Variants in HIVEP2 observed in about 807,000 individuals in gnomAD.
The protein encoded by HIVEP2 is transcription factor HIVEP2.
A neutral mutation model predicts 180.7 loss-of-function variants in HIVEP2; 14 were observed. The ratio of observed to expected loss-of-function variants is 0.08; its 90% CI spans 0.05 to 0.12. The LOEUF (loss-of-function observed/expected upper bound fraction) is 0.12, where lower values mean the gene tolerates loss of function less well. Ranked by LOEUF, HIVEP2 falls within the 10% of genes least tolerant of loss-of-function variation. The probability of loss-of-function intolerance (pLI) is 1.00; values close to 1 mark genes in which losing one functional copy is unlikely to be tolerated. For synonymous variants in HIVEP2, 1,184 were observed against 1,136.4 expected (o/e 1.04, Z -0.84); for missense variants, 2,579 against 3,008.5 (o/e 0.86, Z 3.34).
intron 1 of HIVEP2, among the ~76,000 whole-genome samples, chr6:142,914,344 T>C (rs1471410959): frequency 2.0e-5 from 3 of 152,230 alleles, no homozygotes; most frequent in Non-Finnish European, 4.4e-5. Flanking sequence ...TCAAATGCCA[T>C]CTTACAACCG....
chr6:142,842,179 CCA>C (rs1003826586), intron 1 of HIVEP2, among the ~76,000 whole-genome samples: 27 of 152,264 alleles, frequency 1.8e-4, no homozygotes, highest in Admixed American at 1.6e-3. Context: ...CTTCCACCCA[CCA>C]TTGTCTCTTA....
intron 1 of HIVEP2, among the ~76,000 whole-genome samples, chr6:142,894,624 C>T (rs1244128113): frequency 6.6e-6 from 1 of 152,180 alleles, no homozygotes; most frequent in African/African-American, 2.4e-5. Flanking sequence ...TTCAAGATCA[C>T]ATTTATTGAG....
chr6:142,921,574 G>A (rs1777684033), intron 1 of HIVEP2, among the ~76,000 whole-genome samples: 1 of 152,188 alleles, frequency 6.6e-6, no homozygotes, highest in African/African-American at 2.4e-5. Flanking sequence ...GCCTAGAAAA[G>A]TGTCTGATGT....
At chr6:142,863,123 T>C (rs1357484522) in intron 1 of HIVEP2, among the ~76,000 whole-genome samples, 1 of 146,696 alleles carries the variant, frequency 6.8e-6, no homozygotes, top group Non-Finnish European at 1.5e-5. Context: ...TAATATATAA[T>C]AGATTTGCTA....
chr6:142,801,900 C>T (rs1776422042), intron 2 of HIVEP2, among the ~76,000 whole-genome samples: 1 of 152,080 alleles, frequency 6.6e-6, no homozygotes, highest in South Asian at 2.1e-4. Context: ...TAAGTATATC[C>T]TTCTCCTTAA....
chr6:142,890,645 TC>T (rs1554220828), intron 1 of HIVEP2, among the ~76,000 whole-genome samples: 1 of 152,174 alleles, frequency 6.6e-6, no homozygotes, highest in Non-Finnish European at 1.5e-5. Context: ...TGACCTCCTA[TC>T]TGTCAAATAA....
At chr6:142,867,703 C>T (rs1449181875) in intron 1 of HIVEP2, among the ~76,000 whole-genome samples, 1 of 152,088 alleles carries the variant, frequency 6.6e-6, no homozygotes, top group African/African-American at 2.4e-5. Context: ...AGGATATGTG[C>T]TAAAAGAATT....
chr6:142,770,752 G>A lies in HIVEP2; in HGVS notation c.3987C>T (p.Leu1329=). ...TCCGAACAGGAACCACTGTTCCTGGGAGGGACTGCAAAGACCCAGCATTTG... is the reference window on the plus strand; with the variant it reads ...TCCGAACAGGAACCACTGTTCCTGGAAGGGACTGCAAAGACCCAGCATTTG... ...ASANAGSLQS[L]PGTVVPVRIQ... is the part of the protein sequence containing the mutation. The change falls in exon 5 of 10, where the codon CTC becomes CTT. Residue 1329 remains leucine (L), a synonymous_variant. Coordinates refer to ENST00000367603, the MANE Select transcript of HIVEP2 (RefSeq NM_006734.4). The surrounding 1 kb of genome is among the most constrained non-coding windows in gnomAD (Gnocchi z 4.7). 1 of 1,614,180 alleles carries A rather than the reference G, an allele frequency of 6.2e-7. No homozygotes were observed. The highest frequency in any genetic ancestry group is 8.5e-7 in the Non-Finnish European group (1 of 1,180,046).
In HIVEP2 at chr6:142,772,102, C is replaced by T. The variant is rs765158820; in HGVS notation, c.2637G>A (p.Arg879=). 1 of 1,614,174 alleles carries T rather than the reference C, an allele frequency of 6.2e-7. No homozygotes were observed. Among genetic ancestry groups the T allele is most frequent in the South Asian group, 1.1e-5 (1 of 91,080 alleles). Residue 879 remains arginine, a synonymous_variant, in exon 5 of 10, where the codon AGG becomes AGA. Transcript: ENST00000367603. This position sits in a 1 kb window ranked among gnomAD's most constrained non-coding sequence, Gnocchi z 4.9. ...VQQQSYHTQP[R]LVRQHNIQVP... ...CCTGGATGTTGTGTTGCCGAACTAG[C>T]CTGGGCTGTGTGTGATAGGACTGCT...
intron 1 of HIVEP2, among the ~76,000 whole-genome samples, chr6:142,896,965 A>G (rs1426504695): frequency 6.6e-6 from 1 of 152,192 alleles, no homozygotes; most frequent in East Asian, 1.9e-4. Context: ...ACAGAGTATG[A>G]CTATATTGTT....
chr6:142,801,644 A>T (rs750492569), intron 2 of HIVEP2, among the ~76,000 whole-genome samples: 2 of 152,046 alleles, frequency 1.3e-5, no homozygotes, highest in Non-Finnish European at 2.9e-5. Context: ...ACTTAGTGGG[A>T]CTTGGTTTCC....
chr6:142,818,185 C>T (rs1776893739), intron 2 of HIVEP2, among the ~76,000 whole-genome samples: 2 of 152,166 alleles, frequency 1.3e-5, no homozygotes, highest in Admixed American at 6.5e-5. Context: ...GAATGCCACA[C>T]AGCCAGCTTC....
chr6:142,873,593 T>G (rs755220282), intron 1 of HIVEP2, among the ~76,000 whole-genome samples: 8 of 152,174 alleles, frequency 5.3e-5, no homozygotes, highest in Non-Finnish European at 1.2e-4. Context: ...TATTCTCAAT[T>G]TTGAGCACAC....
chr6:142,902,652 G>T (rs1338602339), intron 1 of HIVEP2, among the ~76,000 whole-genome samples: 1 of 152,100 alleles, frequency 6.6e-6, no homozygotes, highest in East Asian at 1.9e-4. Context: ...TTTTTTCTTT[G>T]CTAAAGACAG....
intron 2 of HIVEP2, among the ~76,000 whole-genome samples, chr6:142,808,479 G>T (rs507404): frequency 0.55 from 80,456 of 146,674 alleles, 24,112 homozygotes; most frequent in Non-Finnish European, 0.67. Context: ...AGATGTGGGA[G>T]GGATGGATGG....
chr6:142,916,847 TA>T (rs1777562252), intron 1 of HIVEP2, among the ~76,000 whole-genome samples: 1 of 152,238 alleles, frequency 6.6e-6, no homozygotes, highest in African/African-American at 2.4e-5. Flanking sequence ...ATTTGTTAAA[TA>T]ATCAACAGTA....
intron 1 of HIVEP2, among the ~76,000 whole-genome samples, chr6:142,926,285 G>A (rs1582971187): frequency 6.6e-6 from 1 of 152,124 alleles, no homozygotes; most frequent in Non-Finnish European, 1.5e-5. Context: ...AAATTCACAA[G>A]ATCATTAGTA....
At chr6:142,825,322 C>A (rs1043772871) in intron 2 of HIVEP2, among the ~76,000 whole-genome samples, 12 of 151,892 alleles carry the variant, frequency 7.9e-5, no homozygotes, top group African/African-American at 2.9e-4. Flanking sequence ...ACATCACATA[C>A]CCCCAAAAGC....
intron 1 of HIVEP2, among the ~76,000 whole-genome samples, chr6:142,926,015 T>C (rs1185265864): frequency 6.6e-6 from 1 of 152,216 alleles, no homozygotes; most frequent in African/African-American, 2.4e-5. Flanking sequence ...GACTCTTCTT[T>C]ATCATACCTG....
Sources: allele counts gnomAD v4.1 joint callset (sites outside exome capture counted in the v4.1 genomes callset), GRCh38; gene constraint gnomAD v4.1.1; non-coding constraint Gnocchi (gnomAD v3.1); transcripts MANE v1.5; gene names NCBI Gene and HGNC (gene_info 2026-07-23, HGNC 2026-07-21).